NUCB1: variants seen among roughly 807,000 people sequenced by gnomAD.
The protein encoded by NUCB1 is nucleobindin 1.
A neutral mutation model predicts 61.2 loss-of-function variants in NUCB1; 47 were observed. The ratio of observed to expected loss-of-function variants is 0.77; its 90% CI spans 0.61 to 0.98. The LOEUF (loss-of-function observed/expected upper bound fraction) is 0.98. Among genes scored for constraint, NUCB1 ranks in the 50% least tolerant of loss-of-function variants. NUCB1 has a pLI of 0.00. For synonymous variants in NUCB1, 234 were observed against 243.1 expected (o/e 0.96, Z 0.35); for missense variants, 583 against 605.3 (o/e 0.96, Z 0.39).
chr19:48,905,909 G>GGGGGGGGGGGGGC, intron 4 of NUCB1, 24 bp downstream of exon 4: 1 of 496,798 alleles, frequency 2.0e-6, no homozygotes, highest in Non-Finnish European at 4.0e-6. Flanking sequence ...GGGCGGGAGG[G>GGGGGGGGGGGGGC]ACAGGCAGGG....
chr19:48,920,497 A>G (rs182976170), intron 10 of NUCB1, among the ~76,000 whole-genome samples: 34 of 151,626 alleles, frequency 2.2e-4, no homozygotes, highest in Admixed American at 2.0e-4. Context: ...CAGCTAATCT[A>G]GGTCTCTGTT....
intron 11 of NUCB1, 74 bp downstream of exon 11, chr19:48,921,398 A>C: frequency 6.7e-7 from 1 of 1,495,838 alleles, no homozygotes; most frequent in Non-Finnish European, 9.1e-7. Flanking sequence ...GGGTGTCCAG[A>C]AGCTGGGAAG....
intron 10 of NUCB1, 147 bp from the exon 11 acceptor site, chr19:48,921,007 C>A: frequency 1.3e-6 from 1 of 759,224 alleles, no homozygotes. Flanking sequence ...TATCCCACTC[C>A]CACCTCCCAC....
At chr19:48,911,024 C>G (rs2037465539) in intron 4 of NUCB1, 125 bp from the exon 5 acceptor site, 1 of 650,392 alleles carries the variant, frequency 1.5e-6, no homozygotes, top group South Asian at 1.8e-5. Context: ...CCTGATTGCC[C>G]CAGGTTCAAG....
intron 3 of NUCB1, 139 bp downstream of exon 3, chr19:48,904,593 C>T: frequency 1.7e-6 from 1 of 596,034 alleles, no homozygotes; most frequent in Non-Finnish European, 3.0e-6. Context: ...GGTGCGATCT[C>T]AGCTCACTGC....
At chr19:48,908,725 T>A (rs78994034) in intron 4 of NUCB1, among the ~76,000 whole-genome samples, 2 of 83,846 alleles carry the variant, frequency 2.4e-5, no homozygotes, top group Non-Finnish European at 5.5e-5. Context: ...CCAAGGGGTG[T>A]GTGTGTGTGT....
At chr19:48,914,005 T>C (rs2037510209) in intron 7 of NUCB1, among the ~76,000 whole-genome samples, 1 of 150,398 alleles carries the variant, frequency 6.6e-6, no homozygotes, top group Non-Finnish European at 1.5e-5. Flanking sequence ...TCTTGCTCTG[T>C]TGCCCAGGCT....
At chr19:48,918,626 C>A in intron 7 of NUCB1, 100 bp from the exon 8 acceptor site, 1 of 909,886 alleles carries the variant, frequency 1.1e-6, no homozygotes, top group Non-Finnish European at 1.8e-6. Context: ...TACCTGTCCT[C>A]TGATAACAGA....
intron 3 of NUCB1, among the ~76,000 whole-genome samples, chr19:48,905,514 A>C (rs1354746045): frequency 1.3e-5 from 2 of 152,090 alleles, no homozygotes; most frequent in Non-Finnish European, 2.9e-5. Flanking sequence ...GACCCACCGC[A>C]CCTGGCCCCT....
chr19:48,918,539 A>G (rs1037993846), intron 7 of NUCB1, 187 bp from the exon 8 acceptor site: 39 of 616,876 alleles, frequency 6.3e-5, no homozygotes, highest in Non-Finnish European at 7.1e-5. Flanking sequence ...CCTGGTCGCT[A>G]GGCAGTGGCC....
At chr19:48,909,369 T>C (rs2037448386) in intron 4 of NUCB1, among the ~76,000 whole-genome samples, 1 of 151,880 alleles carries the variant, frequency 6.6e-6, no homozygotes, top group Non-Finnish European at 1.5e-5. Flanking sequence ...TGCCTCAGAC[T>C]CCTAAGTAGC....
chr19:48,907,955 C>G (rs2037430026), intron 4 of NUCB1, among the ~76,000 whole-genome samples: 1 of 152,216 alleles, frequency 6.6e-6, no homozygotes, highest in African/African-American at 2.4e-5. Context: ...GGCTCTTTGC[C>G]TGGTCCATGG....
intron 5 of NUCB1, 36 bp downstream of exon 5, chr19:48,911,288 G>T (rs1250094535): frequency 6.8e-7 from 1 of 1,466,494 alleles, no homozygotes; most frequent in Non-Finnish European, 9.5e-7. Flanking sequence ...AGGATTGAGG[G>T]TAGCTTTGCG....
chr19:48,911,069 T>C (rs957103684), intron 4 of NUCB1, 80 bp from the exon 5 acceptor site: 1 of 1,057,306 alleles, frequency 9.5e-7, no homozygotes, highest in African/African-American at 1.6e-5. Context: ...TGTCCGTGAC[T>C]TCTTTGGATC....
Position 48,913,141 on chromosome 19 carries a change from G to A in NUCB1, c.611G>A (p.Arg204Lys), listed in dbSNP as rs1280091997. ...GAGGAGCAGAGAAAGGAGGCGGAGA[G>A]GAAGCTGGAAGAGCAACAGCGCCGG... ...LGEEQRKEAE[R>K]KLEEQQRRHR... Residue 204 changes from arginine (R) to lysine (K), a missense_variant, in exon 6 of 13, where the codon AGG becomes AAG. Arg to Lys is a conservative substitution (Grantham distance 26). Transcript: ENST00000405315. 1.2e-6 allele frequency: 2 copies of A among 1,613,902 alleles called. No individual in the cohort carries two copies. Among genetic ancestry groups the A allele is most frequent in the South Asian group, 1.1e-5 (1 of 91,062 alleles).
intron 4 of NUCB1, among the ~76,000 whole-genome samples, chr19:48,908,648 C>CGTGTGTGTGTGTGTGTGTGTGTGT (rs58211997): frequency 4.6e-5 from 4 of 86,496 alleles, no homozygotes; most frequent in African/African-American, 1.1e-4. Flanking sequence ...TCTAGCTGCC[C>CGTGTGTGTGTGTGTGTGTGTGTGT]GTGTGTGTGT....
rs190380951 is a variant in NUCB1, at chr19:48,919,400, G to A, written c.1002+114G>A. Reference sequence around the variant, plus strand: ...TCTCTGGGTCCCCGTCCATTCTCCTGGGTCACTGCATCTCTATCTCTGGGT... The same window carrying A: ...TCTCTGGGTCCCCGTCCATTCTCCTAGGTCACTGCATCTCTATCTCTGGGT... On this transcript the variant is annotated intron_variant, in intron 10 of 12. Coordinates refer to ENST00000405315, the MANE Select transcript of NUCB1 (RefSeq NM_006184.6). 32 of 675,410 alleles carry A rather than the reference G, an allele frequency of 4.7e-5. No individual in the cohort carries two copies. In the Admixed American group the frequency reaches 7.8e-4, roughly 16 times the overall value. The allele number at this position is 675,410 out of a possible 1,614,324, so 41.8% of individuals were successfully genotyped here. A position where few individuals can be genotyped will look rare whatever the true frequency, so the allele number is the denominator to read the frequency against.
intron 2 of NUCB1, 127 bp from the exon 3 acceptor site, chr19:48,904,211 TTGCTGCATA>T: frequency 1.7e-6 from 1 of 588,300 alleles, no homozygotes; most frequent in East Asian, 2.8e-5. Context: ...CATTTCATCT[TTGCTGCATA>T]TGTGGGAAAA....
chr19:48,901,089 C>T (rs2037349854), intron 2 of NUCB1, 158 bp downstream of exon 2: 1 of 868,626 alleles, frequency 1.2e-6, no homozygotes, highest in African/African-American at 1.7e-5. Flanking sequence ...AGGGGTTTGA[C>T]TTGGTGAAAA....
Sources: allele counts gnomAD v4.1 joint callset (sites outside exome capture counted in the v4.1 genomes callset), GRCh38; gene constraint gnomAD v4.1.1; transcripts MANE v1.5; gene names NCBI Gene and HGNC (gene_info 2026-07-23, HGNC 2026-07-21).